The following IL7 variants were observed in gnomAD, a reference collection of about 807,000 sequenced individuals.
IL7 encodes the protein interleukin 7, also known as interleukin-7.
A neutral mutation model predicts 21.6 loss-of-function variants in IL7; 3 were observed. That is an observed-to-expected ratio of 0.14 (90% CI 0.06 to 0.36). The LOEUF (loss-of-function observed/expected upper bound fraction) is 0.36, where lower values mean the gene tolerates loss of function less well. IL7 is among the 10% of genes least tolerant of loss of function. The probability of loss-of-function intolerance (pLI) is 1.00; values close to 1 mark genes in which losing one functional copy is unlikely to be tolerated. For missense variants in IL7, 175 were observed against 200.2 expected, an observed-to-expected ratio of 0.87 and a Z score of 0.76; for synonymous variants, 62 against 68.1, an observed-to-expected ratio of 0.91 and a Z score of 0.44.
chr8:78,693,990 A>T (rs1454587960), intron 3 of IL7, among the ~76,000 whole-genome samples: 1 of 152,190 alleles, frequency 6.6e-6, no homozygotes, highest in Non-Finnish European at 1.5e-5. Flanking sequence ...TAAATAGGGA[A>T]TCCTTTCCAC....
intron 1 of IL7, among the ~76,000 whole-genome samples, chr8:78,798,477 G>T (rs77493448): frequency 0.015 from 2,350 of 152,062 alleles, 53 homozygotes; most frequent in African/African-American, 0.054. Flanking sequence ...GACTGCTTCT[G>T]AAAAACACTC....
chr8:78,699,399 G>A (rs1810528160), intron 3 of IL7, among the ~76,000 whole-genome samples: 1 of 152,112 alleles, frequency 6.6e-6, no homozygotes, highest in East Asian at 1.9e-4. Flanking sequence ...GAATGAAGGT[G>A]TATGTCTATA....
In IL7 at chr8:78,697,257, G is replaced by A; in HGVS notation, n.215-11310C>T. 3 of 608,414 alleles carry A rather than the reference G, an allele frequency of 4.9e-6. No individual in the cohort carries two copies. In the Admixed American group the frequency reaches 1.0e-4, roughly 21 times the overall value. The allele number at this position is 608,414 out of a possible 1,614,324, so 37.7% of individuals were successfully genotyped here. ...ACAAGTGTTTTAATACATTAATGAT[G>A]TGCAACCATCATCACCATTCATTTC... is the stretch of plus-strand genomic sequence containing the variant. On this transcript the variant is annotated intron_variant and non_coding_transcript_variant, in intron 3 of 4. Transcript: ENST00000523959.
At chr8:78,702,281 A>C (rs971776300) in intron 3 of IL7, among the ~76,000 whole-genome samples, 1 of 151,996 alleles carries the variant, frequency 6.6e-6, no homozygotes, top group African/African-American at 2.4e-5. Flanking sequence ...ATATTCTGTG[A>C]TGACTTGTAT....
chr8:78,743,342 T>C (rs1009940716), intron 2 of IL7, among the ~76,000 whole-genome samples: 4 of 152,206 alleles, frequency 2.6e-5, no homozygotes, highest in South Asian at 2.1e-4. Context: ...CTGAACTGAT[T>C]TACATTCCCA....
In IL7 at chr8:78,761,942, T is replaced by C. The variant is rs576530684; in HGVS notation, c.148-21860A>G. 93 of 1,611,016 alleles carry C rather than the reference T, an allele frequency of 5.8e-5. No homozygotes were observed. In the South Asian group the frequency reaches 9.7e-4, roughly 17 times the overall value. On this transcript the variant is annotated intron_variant, in intron 2 of 5. Transcript: ENST00000263851. ...AAGTAGATATTTGAGGTATTCTTTG[T>C]TTTCCTTCTCTTCAAGGGTTAGAGG...
intron 2 of IL7, among the ~76,000 whole-genome samples, chr8:78,783,299 C>T (rs554109264): frequency 6.6e-6 from 1 of 152,304 alleles, no homozygotes; most frequent in South Asian, 2.1e-4. Context: ...AATATGGTTT[C>T]CTGGGCAGGA....
Position 78,733,740 on chromosome 8 carries a change from T to G in IL7, c.507A>C (p.Lys169Asn). Residue 169 changes from lysine to asparagine, a missense_variant, in exon 6 of 6, where the codon AAA (lysine) becomes AAC (asparagine). Transcript: ENST00000263851. Reference sequence around the variant, plus strand: ...AGTGTTCTTTAGTGCCCATCAAAATTTTATTCCAACAAGTTTTTATCTCTT... The same window carrying G: ...AGTGTTCTTTAGTGCCCATCAAAATGTTATTCCAACAAGTTTTTATCTCTT... Reference protein sequence around the residue: ...LLQEIKTCWNKILMGTKEH With the variant: ...LLQEIKTCWNNILMGTKEH The G allele has an allele frequency of 6.2e-7, 1 of 1,601,198 alleles. No homozygotes were observed. Among genetic ancestry groups the G allele is most frequent in the Non-Finnish European group, 8.5e-7 (1 of 1,175,832 alleles).
intron 2 of IL7, 41 bp from the exon 3 acceptor site, chr8:78,740,123 A>G (rs750053259): frequency 1.6e-5 from 18 of 1,141,236 alleles, no homozygotes; most frequent in East Asian, 2.9e-5. Context: ...AAAACTGAGT[A>G]CTTTTCTAAT....
At chr8:78,694,289 T>G (rs1480052246) in intron 3 of IL7, among the ~76,000 whole-genome samples, 2 of 149,632 alleles carry the variant, frequency 1.3e-5, no homozygotes, top group African/African-American at 4.9e-5. Flanking sequence ...GTTCCTTGTT[T>G]TTTTTTTTTT....
At chr8:78,700,299 C>G (rs1810558262) in intron 3 of IL7, among the ~76,000 whole-genome samples, 1 of 151,924 alleles carries the variant, frequency 6.6e-6, no homozygotes, top group Admixed American at 6.6e-5. Flanking sequence ...CTGTTGTCCA[C>G]TTTTTAATGG....
intron 3 of IL7, among the ~76,000 whole-genome samples, chr8:78,706,140 G>T (rs1810764706): frequency 6.6e-6 from 1 of 152,164 alleles, no homozygotes; most frequent in Non-Finnish European, 1.5e-5. Flanking sequence ...AAAGATGGCA[G>T]CCTGTCCCTT....
intron 2 of IL7, among the ~76,000 whole-genome samples, chr8:78,791,513 G>A (rs150477005): frequency 6.6e-6 from 1 of 152,084 alleles, no homozygotes; most frequent in African/African-American, 2.4e-5. Context: ...GGTGGCACAT[G>A]CCTGTAATCC....
At chr8:78,766,181 T>C (rs1812747690) in intron 2 of IL7, among the ~76,000 whole-genome samples, 1 of 152,020 alleles carries the variant, frequency 6.6e-6, no homozygotes, top group Non-Finnish European at 1.5e-5. Context: ...AGGGAGCAAG[T>C]GGATGAATAG....
intron 2 of IL7, chr8:78,761,931 G>C: frequency 6.2e-7 from 1 of 1,611,142 alleles, no homozygotes; most frequent in Non-Finnish European, 8.5e-7. Context: ...AGATATTTGA[G>C]GTATTCTTTG....
intron 3 of IL7, among the ~76,000 whole-genome samples, chr8:78,688,238 G>A (rs1055156999): frequency 6.6e-6 from 1 of 151,932 alleles, no homozygotes; most frequent in African/African-American, 2.4e-5. Flanking sequence ...TAGATATTGT[G>A]TCTTAACTCT....
At position 78,692,732 on chromosome 8, in the gene IL7, T is replaced by A. The variant is rs191381028; in HGVS notation, n.215-6785A>T. ...CCAACATTGAGCTTCTAATTTGTTTTTTTTATTATTAGTAGTATACTTTAG... is the reference window on the plus strand; with the variant it reads ...CCAACATTGAGCTTCTAATTTGTTTATTTTATTATTAGTAGTATACTTTAG... On this transcript the variant is annotated intron_variant and non_coding_transcript_variant, in intron 3 of 4. Coordinates refer to the IL7 transcript ENST00000523959. Among the ~76,000 whole-genome samples the A allele has an allele frequency of 1.1e-4, 17 of 152,244 alleles. No homozygotes were observed. The East Asian group carries it at 3.3e-3, about 29-fold the overall frequency.
chr8:78,736,502 A>G lies in IL7; in HGVS notation c.386T>C (p.Leu129Pro), dbSNP rs1248248716. 6.2e-7 allele frequency: 1 copy of G among 1,604,172 alleles called. No individual in the cohort carries two copies. ...ACTCTTTGTTGGTTGGGCTTCACCC[A>G]GGGCAGCTGGTTTTCTTCCTTTAAC... ...GQVKGRKPAALGEAQPTKSLE... is the reference protein window; with the variant it reads ...GQVKGRKPAAPGEAQPTKSLE... Residue 129 changes from leucine (L) to proline (P), a missense_variant, in exon 5 of 6, where the codon CTG becomes CCG. Leu to Pro is a moderately conservative substitution (Grantham distance 98). Transcript: ENST00000263851.
At chr8:78,777,493 A>G (rs1813169939) in intron 2 of IL7, among the ~76,000 whole-genome samples, 1 of 151,976 alleles carries the variant, frequency 6.6e-6, no homozygotes, top group Non-Finnish European at 1.5e-5. Flanking sequence ...GGGCCATTTC[A>G]GTTTTACTCT....
Sources: allele counts gnomAD v4.1 joint callset (sites outside exome capture counted in the v4.1 genomes callset), GRCh38; gene constraint gnomAD v4.1.1; transcripts MANE v1.5; gene names NCBI Gene and HGNC (gene_info 2026-07-23, HGNC 2026-07-21).